SLC27A4: variants seen among roughly 807,000 people sequenced by gnomAD.
SLC27A4 encodes long-chain fatty acid transport protein 4.
A neutral mutation model predicts 64.4 loss-of-function variants in SLC27A4; 33 were observed. The ratio of observed to expected loss-of-function variants is 0.51; its 90% CI spans 0.39 to 0.68. The LOEUF (loss-of-function observed/expected upper bound fraction) is 0.68, where lower values mean the gene tolerates loss of function less well. SLC27A4 is among the 30% of genes least tolerant of loss of function. The probability of loss-of-function intolerance (pLI) is 0.00; values close to 1 mark genes in which losing one functional copy is unlikely to be tolerated. For missense variants in SLC27A4, 824 were observed against 883.5 expected (o/e 0.93, Z 0.85); for synonymous variants, 377 against 370.0 (o/e 1.02, Z -0.22).
intron 9 of SLC27A4, among the ~76,000 whole-genome samples, chr9:128,354,574 C>T (rs752311643): frequency 2.0e-5 from 3 of 151,982 alleles, no homozygotes; most frequent in East Asian, 3.9e-4. Flanking sequence ...TCAGTGTGTC[C>T]GACCTGCCAA....
intron 6 of SLC27A4, 107 bp downstream of exon 6, chr9:128,350,682 G>T (rs1255199633): frequency 3.3e-6 from 3 of 897,192 alleles, no homozygotes; most frequent in African/African-American, 1.6e-5. Flanking sequence ...TGGGCCAGGC[G>T]CAGTGACTCA....
In SLC27A4 at chr9:128,342,261, T is replaced by C. The variant is rs2900231; in HGVS notation, c.-6-866T>C. ...CTGACAAACCCGATATGGCTGAGATTGAGAAATTCGATAAGTCGAAACTGA... is the reference window on the plus strand; with the variant it reads ...CTGACAAACCCGATATGGCTGAGATCGAGAAATTCGATAAGTCGAAACTGA... On this transcript the variant is annotated intron_variant, in intron 1 of 12. Coordinates refer to ENST00000300456, the MANE Select transcript of SLC27A4 (RefSeq NM_005094.4). 14 of 1,610,912 alleles carry C rather than the reference T, an allele frequency of 8.7e-6. No individual in the cohort carries two copies. In the African/African-American group the frequency reaches 1.9e-4, roughly 22 times the overall value.
At chr9:128,341,376 A>G (rs767892538) in intron 1 of SLC27A4, among the ~76,000 whole-genome samples, 7 of 152,192 alleles carry the variant, frequency 4.6e-5, no homozygotes, top group Admixed American at 1.3e-4. Context: ...CCAGGAATAG[A>G]ACCCAAGAGT....
Position 128,355,196 on chromosome 9 carries a change from TC to T in SLC27A4, c.1462+10del, listed in dbSNP as rs761668476. On this transcript the variant is annotated splice_region_variant and intron_variant, in intron 10 of 12. Coordinates refer to ENST00000300456, the MANE Select transcript of SLC27A4 (RefSeq NM_005094.4). Reference sequence around the variant, plus strand: ...GGACCAGGCCTACCTTACTGGTGGGTCCCCAGCCCTTCACAGCCCCTTCCTG... The same window carrying T: ...GGACCAGGCCTACCTTACTGGTGGGTCCCAGCCCTTCACAGCCCCTTCCTG... 6.2e-7 allele frequency: 1 copy of T among 1,612,818 alleles called. No homozygotes were observed. Among genetic ancestry groups the T allele is most frequent in the Non-Finnish European group, 8.5e-7 (1 of 1,179,514 alleles).
intron 2 of SLC27A4, among the ~76,000 whole-genome samples, chr9:128,344,729 G>A (rs57096395): frequency 7.2e-5 from 11 of 152,276 alleles, no homozygotes; most frequent in African/African-American, 2.6e-4. Flanking sequence ...TGGGTCGAGG[G>A]AGCAGCTGGA....
chr9:128,343,205 G>T lies in SLC27A4; in HGVS notation c.73G>T (p.Val25Leu). Residue 25 changes from valine to leucine, a missense_variant, in exon 2 of 13, where the codon GTG becomes TTG. Val to Leu is a conservative substitution (Grantham distance 32). Transcript: ENST00000300456. ...KLVLKLPWTQ[V>L]GFSLLFLYLG... ...GGTGCTGAAACTGCCCTGGACCCAG[G>T]TGGGATTCTCCCTGTTGTTCCTCTA... is the stretch of plus-strand genomic sequence containing the variant. The T allele has an allele frequency of 6.2e-7, 1 of 1,614,194 alleles. No homozygotes were observed. Among genetic ancestry groups the T allele is most frequent in the Non-Finnish European group, 8.5e-7 (1 of 1,180,028 alleles).
chr9:128,360,619 C>G lies in SLC27A4; in HGVS notation c.*128C>G. 1.0e-6 allele frequency: 1 copy of G among 962,092 alleles called. No individual in the cohort carries two copies. The highest frequency in any genetic ancestry group is 1.6e-6 in the Non-Finnish European group (1 of 633,082). 59.6% of individuals were successfully genotyped at this position (962,092 alleles called of 1,614,324 possible). A position where few individuals can be genotyped will look rare whatever the true frequency, so the allele number is the denominator to read the frequency against. On this transcript the variant is annotated 3_prime_UTR_variant, in exon 13 of 13. Coordinates refer to ENST00000300456, the MANE Select transcript of SLC27A4 (RefSeq NM_005094.4). Reference sequence around the variant, plus strand: ...GCACCTCCATCCTGAGGTGCTGCCCCTCCATCCAAAACTGCCAAGTGACTC... The same window carrying G: ...GCACCTCCATCCTGAGGTGCTGCCCGTCCATCCAAAACTGCCAAGTGACTC...
At position 128,353,107 on chromosome 9, in the gene SLC27A4, T is replaced by C; in HGVS notation, c.1070T>C (p.Met357Thr). The C allele has an allele frequency of 1.2e-6, 2 of 1,614,210 alleles. No individual in the cohort carries two copies. The highest frequency in any genetic ancestry group is 1.7e-6 in the Non-Finnish European group (2 of 1,180,032). Residue 357 changes from methionine to threonine, a missense_variant, in exon 8 of 13, where the codon ATG (methionine) becomes ACG (threonine). Transcript: ENST00000300456. This position sits in a 1 kb window ranked among gnomAD's most constrained non-coding sequence, Gnocchi z 4.9. Reference sequence around the variant, plus strand: ...GCAGAAAACCAGCACCAGGTTCGCATGGCACTAGGCAATGGCCTCCGGCAG... The same window carrying C: ...GCAGAAAACCAGCACCAGGTTCGCACGGCACTAGGCAATGGCCTCCGGCAG... ...REAENQHQVR[M>T]ALGNGLRQSI...
chr9:128,353,526 A>G lies in SLC27A4; in HGVS notation c.1309A>G (p.Ile437Val), dbSNP rs1832770255. ...ELIRGPDGVC[I>V]PCQPGEPGQL... ...GATCCGGGGGCCCGACGGCGTCTGC[A>G]TTCCCTGCCAGCCAGGTCTGCCACT... Residue 437 changes from isoleucine to valine, a missense_variant, in exon 9 of 13, where the codon ATT becomes GTT. Coordinates refer to ENST00000300456, the MANE Select transcript of SLC27A4 (RefSeq NM_005094.4). This position sits in a 1 kb window ranked among gnomAD's most constrained non-coding sequence, Gnocchi z 4.9. The G allele has an allele frequency of 1.2e-6, 2 of 1,613,860 alleles. No homozygotes were observed. The highest frequency in any genetic ancestry group is 1.7e-6 in the Non-Finnish European group (2 of 1,179,996).
chr9:128,360,028 G>T (rs1165377193), intron 12 of SLC27A4, among the ~76,000 whole-genome samples: 2 of 152,140 alleles, frequency 1.3e-5, no homozygotes. Context: ...GAAGACCTCC[G>T]TTCTGGTCCC....
chr9:128,348,636 A>C lies in SLC27A4; in HGVS notation c.648A>C (p.Glu216Asp). 2 of 1,613,990 alleles carry C rather than the reference A, an allele frequency of 1.2e-6. No individual in the cohort carries two copies. Among genetic ancestry groups the C allele is most frequent in the Non-Finnish European group, 1.7e-6 (2 of 1,180,004 alleles). ...CCGGTGCGGTGCCTCCAAGCACAGA[A>C]CACCTGGACCCTCTGCTGAAAGATG... ...WEPGAVPPST[E>D]HLDPLLKDAP... Residue 216 changes from glutamate (E) to aspartate (D), a missense_variant, in exon 4 of 13, where the codon GAA (glutamate) becomes GAC (aspartate). Physicochemically the swap from Glu to Asp is conservative, Grantham distance 45 (BLOSUM62 2). Coordinates refer to ENST00000300456, the MANE Select transcript of SLC27A4 (RefSeq NM_005094.4).
chr9:128,350,132 T>C (rs1448307216), intron 4 of SLC27A4, among the ~76,000 whole-genome samples, 180 bp from the exon 5 acceptor site: 1 of 152,150 alleles, frequency 6.6e-6, no homozygotes, highest in Non-Finnish European at 1.5e-5. Context: ...CAGGAAATAT[T>C]TGTTGGAATG....
chr9:128,351,103 A>G (rs967815482), intron 6 of SLC27A4, among the ~76,000 whole-genome samples: 1 of 151,944 alleles, frequency 6.6e-6, no homozygotes, highest in Non-Finnish European at 1.5e-5. Context: ...GGAAAAAAAA[A>G]AAAGAAAGAA....
chr9:128,353,338 G>A lies in SLC27A4; in HGVS notation c.1198-77G>A, dbSNP rs2131265936. 17 of 1,611,206 alleles carry A rather than the reference G, an allele frequency of 1.1e-5. No homozygotes were observed. Among genetic ancestry groups the A allele is most frequent in the East Asian group, 4.5e-5 (2 of 44,866 alleles). On this transcript the variant is annotated intron_variant, in intron 8 of 12. Coordinates refer to ENST00000300456, the MANE Select transcript of SLC27A4 (RefSeq NM_005094.4). This position sits in a 1 kb window ranked among gnomAD's most constrained non-coding sequence, Gnocchi z 4.9. ...GTTCGAGCGTGAGAGTGTGGGTGCT[G>A]GAGTCCCACTTCCCCCTCATTGTCC...
In SLC27A4 at chr9:128,353,368, T is replaced by G. The variant is rs1832766240; in HGVS notation, c.1198-47T>G. The stretch of plus-strand genomic sequence containing the variant: ...CCCACTTCCCCCTCATTGTCCAGTT[T>G]TGGGCCCATGGTGAGAGAGCCCAGG... On this transcript the variant is annotated intron_variant, in intron 8 of 12. Coordinates refer to ENST00000300456, the MANE Select transcript of SLC27A4 (RefSeq NM_005094.4). The surrounding 1 kb of genome is among the most constrained non-coding windows in gnomAD (Gnocchi z 4.9). 1 of 1,614,084 alleles carries G rather than the reference T, an allele frequency of 6.2e-7. No individual in the cohort carries two copies. Among genetic ancestry groups the G allele is most frequent in the Non-Finnish European group, 8.5e-7 (1 of 1,180,008 alleles).
At position 128,360,743 on chromosome 9, in the gene SLC27A4, G is replaced by A; in HGVS notation, c.*252G>A. The A allele has an allele frequency of 1.9e-6, 1 of 525,100 alleles. No homozygotes were observed. Among genetic ancestry groups the A allele is most frequent in the South Asian group, 2.0e-5 (1 of 49,444 alleles). The allele number at this position is 525,100 out of a possible 1,614,324, so 32.5% of individuals were successfully genotyped here. The stretch of plus-strand genomic sequence containing the variant: ...GCCCTCTGGTTCCCAGGCTGAGACT[G>A]ACGGGTTTTCTCAGGATGATGTCTT... On this transcript the variant is annotated 3_prime_UTR_variant, in exon 13 of 13. Transcript: ENST00000300456.
At chr9:128,340,942 G>T (rs1399513139) in intron 1 of SLC27A4, 104 bp downstream of exon 1, 3 of 482,426 alleles carry the variant, frequency 6.2e-6, no homozygotes, top group African/African-American at 4.1e-5. Context: ...GCCCTGCGGC[G>T]CTATTTCCCC....
intron 6 of SLC27A4, among the ~76,000 whole-genome samples, chr9:128,351,104 A>AG (rs1832730074): frequency 6.6e-6 from 1 of 151,988 alleles, no homozygotes; most frequent in South Asian, 2.1e-4. Context: ...GAAAAAAAAA[A>AG]AAGAAAGAAA....
intron 2 of SLC27A4, among the ~76,000 whole-genome samples, chr9:128,344,526 AAAAC>A (rs913767268): frequency 4.6e-5 from 7 of 152,058 alleles, no homozygotes; most frequent in African/African-American, 1.4e-4. Context: ...CTCAAAAAAA[AAAAC>A]AAAAAAACAA....
Sources: allele counts gnomAD v4.1 joint callset (sites outside exome capture counted in the v4.1 genomes callset), GRCh38; gene constraint gnomAD v4.1.1; non-coding constraint Gnocchi (gnomAD v3.1); transcripts MANE v1.5; gene names NCBI Gene and HGNC (gene_info 2026-07-23, HGNC 2026-07-21).